Variants in CLMP observed in about 807,000 individuals in gnomAD.
CLMP encodes the protein CXADR-like membrane protein.
Under a neutral mutation model 45.2 loss-of-function variants are expected in CLMP, and 27 were observed. The ratio of observed to expected loss-of-function variants is 0.60; its 90% confidence interval spans 0.44 to 0.82. The LOEUF is 0.82. Ranked by LOEUF, CLMP falls within the 40% of genes least tolerant of loss-of-function variation. The pLI, the probability that CLMP is intolerant of heterozygous loss-of-function variation, is 0.00. For missense variants in CLMP, 403 were observed against 448.4 expected, an observed-to-expected ratio of 0.90 and a Z score of 0.91; for synonymous variants, 167 against 171.4, an observed-to-expected ratio of 0.97 and a Z score of 0.20.
At chr11:123,143,585 C>G (rs75567373) in intron 1 of CLMP, among the ~76,000 whole-genome samples, 18,599 of 152,164 alleles carry the variant, frequency 0.12, 1,307 homozygotes, top group South Asian at 0.25. Flanking sequence ...AGAGCTGACT[C>G]TCTGTCCTAC....
chr11:123,164,970 A>T (rs1377850959), intron 1 of CLMP, among the ~76,000 whole-genome samples: 1 of 152,242 alleles, frequency 6.6e-6, no homozygotes, highest in African/African-American at 2.4e-5. Context: ...GAAAGAAAGG[A>T]TGTCGTAACA....
intron 1 of CLMP, among the ~76,000 whole-genome samples, chr11:123,152,603 G>C (rs1861354304): frequency 6.6e-6 from 1 of 151,920 alleles, no homozygotes; most frequent in South Asian, 2.1e-4. Context: ...AGAGGCCTTA[G>C]AGGAAACCAA....
At chr11:123,110,627 A>C (rs1860624788) in intron 1 of CLMP, among the ~76,000 whole-genome samples, 2 of 152,008 alleles carry the variant, frequency 1.3e-5, no homozygotes, top group Non-Finnish European at 2.9e-5. Context: ...AAGAAAAAAA[A>C]ATGGTGTTGG....
At chr11:123,080,237 C>T (rs1258120678) in intron 5 of CLMP, among the ~76,000 whole-genome samples, 7 of 151,944 alleles carry the variant, frequency 4.6e-5, no homozygotes, top group Admixed American at 2.0e-4. Context: ...TTTGCAGATG[C>T]AACATACCAT....
intron 1 of CLMP, among the ~76,000 whole-genome samples, chr11:123,113,309 C>T (rs896140802): frequency 2.0e-5 from 3 of 152,178 alleles, no homozygotes; most frequent in African/African-American, 7.2e-5. Context: ...ATGACATTGT[C>T]TTTTGTGTAT....
intron 1 of CLMP, among the ~76,000 whole-genome samples, chr11:123,098,254 T>G (rs1457815571): frequency 6.6e-6 from 1 of 151,676 alleles, no homozygotes. Context: ...TGAGATGGAG[T>G]TTTGCTCTTG....
Position 123,098,124 on chromosome 11 carries a change from G to A in CLMP, c.29-172C>T, listed in dbSNP as rs1036703573. Among the ~76,000 whole-genome samples the A allele has an allele frequency of 5.3e-5, 8 of 152,144 alleles. No individual in the cohort carries two copies. The South Asian group carries it at 6.2e-4, about 12-fold the overall frequency. On this transcript the variant is annotated intron_variant, in intron 1 of 6. Coordinates refer to ENST00000448775, the MANE Select transcript of CLMP (RefSeq NM_024769.5). ...GTCCTGGTCTCACACTGGCTCCTCC[G>A]TTAACTGAATTCATCACATCTTCTT...
chr11:123,126,846 A>C, intron 1 of CLMP, among the ~76,000 whole-genome samples: 1 of 151,916 alleles, frequency 6.6e-6, no homozygotes, highest in Non-Finnish European at 1.5e-5. Flanking sequence ...GCAGTGAACC[A>C]GGATGGCGCT....
chr11:123,073,376 C>G lies in CLMP; in HGVS notation c.*98G>C, dbSNP rs1865696086. ...ATGCTCACTGCTACTTAGATGACCT[C>G]TCATCTGGTTGTGTGGCTGGTGACT... On this transcript the variant is annotated 3_prime_UTR_variant, in exon 7 of 7. Coordinates refer to ENST00000448775, the MANE Select transcript of CLMP (RefSeq NM_024769.5). 3 of 1,336,304 alleles carry G rather than the reference C, an allele frequency of 2.2e-6. No homozygotes were observed. The highest frequency in any genetic ancestry group is 3.1e-6 in the Non-Finnish European group (3 of 967,598). The allele number at this position is 1,336,304 out of a possible 1,614,324, so 82.8% of individuals were successfully genotyped here.
intron 1 of CLMP, among the ~76,000 whole-genome samples, chr11:123,106,159 C>G (rs1435246629): frequency 6.7e-6 from 1 of 148,656 alleles, no homozygotes; most frequent in Non-Finnish European, 1.5e-5. Flanking sequence ...TTTTTTTTAG[C>G]TCATCAGCTG....
intron 1 of CLMP, among the ~76,000 whole-genome samples, chr11:123,098,701 ATTT>A (rs1156546713): frequency 0.044 from 4,964 of 112,546 alleles, 304 homozygotes; most frequent in African/African-American, 0.16. Context: ...ATCCTGGCTA[ATTT>A]TTTTTTTTTT....
At chr11:123,080,045 T>C (rs1865786705) in intron 5 of CLMP, among the ~76,000 whole-genome samples, 1 of 152,210 alleles carries the variant, frequency 6.6e-6, no homozygotes, top group Non-Finnish European at 1.5e-5. Context: ...AAATGGCTCA[T>C]TCACATGGCT....
At chr11:123,110,218 G>T (rs1435992669) in intron 1 of CLMP, among the ~76,000 whole-genome samples, 1 of 152,110 alleles carries the variant, frequency 6.6e-6, no homozygotes, top group East Asian at 1.9e-4. Context: ...CACTTTGGGG[G>T]GCTGAGGTGG....
chr11:123,119,046 C>T (rs7936430), intron 1 of CLMP, among the ~76,000 whole-genome samples: 201 of 4,904 alleles, frequency 0.041, 7 homozygotes, highest in Middle Eastern at 0.17. Context: ...TCTCTCTCTC[C>T]CTCTCCCTCT....
At chr11:123,189,916 C>G (rs538412019) in intron 1 of CLMP, among the ~76,000 whole-genome samples, 1 of 149,872 alleles carries the variant, frequency 6.7e-6, no homozygotes, top group Non-Finnish European at 1.5e-5. Flanking sequence ...GCAGGAGAAT[C>G]GCTTGAACTC....
chr11:123,134,660 A>AAAAGT (rs55676371), intron 1 of CLMP, among the ~76,000 whole-genome samples: 45,334 of 151,412 alleles, frequency 0.3, 8,088 homozygotes, highest in African/African-American at 0.51. Context: ...AAAAATATAA[A>AAAAGT]AGCCCAGCAT....
At position 123,177,884 on chromosome 11, in the gene CLMP, C is replaced by A. The variant is rs561723980; in HGVS notation, c.28+17029G>T. ...TATTTTATTATTTTTAACACGGGGT[C>A]TCACTCTGTTGCCCAGGCTGGAGTC... On this transcript the variant is annotated intron_variant, in intron 1 of 6. Transcript: ENST00000448775. Among the ~76,000 whole-genome samples, 10 of 152,176 alleles carry A rather than the reference C, an allele frequency of 6.6e-5. No homozygotes were observed. In the East Asian group the frequency reaches 1.9e-3, roughly 29 times the overall value.
At chr11:123,079,238 T>C (rs1428443404) in intron 5 of CLMP, among the ~76,000 whole-genome samples, 1 of 152,210 alleles carries the variant, frequency 6.6e-6, no homozygotes, top group Non-Finnish European at 1.5e-5. Context: ...CTAATGTATA[T>C]GTTAGTCAAA....
At chr11:123,165,685 C>T (rs117143074) in intron 1 of CLMP, among the ~76,000 whole-genome samples, 2,746 of 152,216 alleles carry the variant, frequency 0.018, 42 homozygotes, top group Middle Eastern at 0.037. Context: ...AGAAATTCAC[C>T]GAGCCAGCTT....
Sources: allele counts gnomAD v4.1 joint callset (sites outside exome capture counted in the v4.1 genomes callset), GRCh38; gene constraint gnomAD v4.1.1; transcripts MANE v1.5; gene names NCBI Gene and HGNC (gene_info 2026-07-23, HGNC 2026-07-21).